Variants in RSU1 observed in about 807,000 individuals in gnomAD.
RSU1 encodes rsu-1.
Under a neutral mutation model 31.1 loss-of-function variants are expected in RSU1, and 26 were observed. The ratio of observed to expected loss-of-function variants is 0.84; its 90% CI spans 0.61 to 1.16. The LOEUF (loss-of-function observed/expected upper bound fraction) is 1.16. Among genes scored for constraint, RSU1 ranks in the 50% most tolerant of loss-of-function variants. The probability of loss-of-function intolerance (pLI) is 0.00; values close to 1 mark genes in which losing one functional copy is unlikely to be tolerated. For synonymous variants in RSU1, 164 were observed against 136.3 expected (o/e 1.20, Z -1.41); for missense variants, 320 against 339.1 (o/e 0.94, Z 0.44).
chr10:16,682,580 A>C (rs1835350346), intron 8 of RSU1, among the ~76,000 whole-genome samples: 2 of 150,368 alleles, frequency 1.3e-5, no homozygotes, highest in Admixed American at 6.6e-5. Context: ...ACATGCATGC[A>C]TGTTACCTAG....
chr10:16,808,199 C>T (rs1337126721), intron 2 of RSU1, among the ~76,000 whole-genome samples: 2 of 151,526 alleles, frequency 1.3e-5, no homozygotes, highest in South Asian at 4.2e-4. Context: ...GAACTCCAAC[C>T]GGGCGCAGTG....
intron 7 of RSU1, among the ~76,000 whole-genome samples, chr10:16,736,419 G>C (rs1392314717): frequency 6.6e-6 from 1 of 152,046 alleles, no homozygotes; most frequent in African/African-American, 2.4e-5. Context: ...AGTAATCCCA[G>C]AAGTCTTAAG....
At chr10:16,806,402 T>A (rs1838267592) in intron 2 of RSU1, among the ~76,000 whole-genome samples, 1 of 152,210 alleles carries the variant, frequency 6.6e-6, no homozygotes, top group Non-Finnish European at 1.5e-5. Context: ...TTCCGACGTC[T>A]GCAGGTGTGG....
chr10:16,799,000 A>C (rs879452019), intron 2 of RSU1, among the ~76,000 whole-genome samples: 1 of 152,212 alleles, frequency 6.6e-6, no homozygotes, highest in East Asian at 1.9e-4. Context: ...GGAATATTCC[A>C]GAGTATAAGC....
intron 2 of RSU1, among the ~76,000 whole-genome samples, chr10:16,792,750 G>C (rs1837952247): frequency 1.3e-5 from 2 of 152,216 alleles, no homozygotes; most frequent in Admixed American, 6.5e-5. Context: ...AGACCACAAA[G>C]AATTAACTGG....
chr10:16,591,865 G>A lies in RSU1; in HGVS notation c.*1529C>T, dbSNP rs1012735662. 1 of 152,104 alleles carries A rather than the reference G, an allele frequency of 6.6e-6. No homozygotes were observed. The highest frequency in any genetic ancestry group is 1.5e-5 in the Non-Finnish European group (1 of 68,028). 9.4% of individuals were successfully genotyped at this position (152,104 alleles called of 1,614,324 possible). A position where few individuals can be genotyped will look rare whatever the true frequency, so the allele number is the denominator to read the frequency against. On this transcript the variant is annotated 3_prime_UTR_variant, in exon 9 of 9. Transcript: ENST00000345264. Reference sequence around the variant, plus strand: ...AAAGTCAATTAAAAAAATTCAGGCAGAGGCATACATGGCACCTATAAAAAT... The same window carrying A: ...AAAGTCAATTAAAAAAATTCAGGCAAAGGCATACATGGCACCTATAAAAAT...
At chr10:16,718,110 A>G (rs898422318) in intron 7 of RSU1, among the ~76,000 whole-genome samples, 2 of 150,874 alleles carry the variant, frequency 1.3e-5, no homozygotes, top group Non-Finnish European at 3.0e-5. Flanking sequence ...AAAAAAAAAA[A>G]AAAGAAAGAA....
intron 7 of RSU1, among the ~76,000 whole-genome samples, chr10:16,703,273 C>G (rs1444559792): frequency 6.6e-6 from 1 of 152,188 alleles, no homozygotes; most frequent in Non-Finnish European, 1.5e-5. Flanking sequence ...AGTGCGAGAA[C>G]AGACTAATAC....
chr10:16,734,454 A>G (rs1390134618), intron 7 of RSU1, among the ~76,000 whole-genome samples: 1 of 152,218 alleles, frequency 6.6e-6, no homozygotes, highest in Non-Finnish European at 1.5e-5. Context: ...ACAATGATGA[A>G]TATTTGGGGC....
chr10:16,681,458 T>C (rs1052033733), intron 8 of RSU1, among the ~76,000 whole-genome samples: 1 of 152,186 alleles, frequency 6.6e-6, no homozygotes, highest in African/African-American at 2.4e-5. Flanking sequence ...GGATCCATTT[T>C]CCCGTAACAA....
At chr10:16,815,177 G>T (rs978108670) in intron 2 of RSU1, among the ~76,000 whole-genome samples, 8 of 152,238 alleles carry the variant, frequency 5.3e-5, no homozygotes, top group African/African-American at 1.7e-4. Flanking sequence ...AGAGGCATCT[G>T]CTCAGTTGCT....
chr10:16,640,918 G>A (rs1029523158), intron 8 of RSU1, among the ~76,000 whole-genome samples: 7 of 151,974 alleles, frequency 4.6e-5, no homozygotes, highest in African/African-American at 9.7e-5. Flanking sequence ...GCAATGCTGC[G>A]ACTGAAAGAA....
chr10:16,778,902 C>T (rs1837596189), intron 3 of RSU1, among the ~76,000 whole-genome samples: 1 of 152,170 alleles, frequency 6.6e-6, no homozygotes, highest in Admixed American at 6.5e-5. Context: ...CGTACTGCAT[C>T]ACAGGCAGGT....
At chr10:16,626,157 C>T (rs1834156109) in intron 8 of RSU1, among the ~76,000 whole-genome samples, 1 of 151,834 alleles carries the variant, frequency 6.6e-6, no homozygotes, top group Non-Finnish European at 1.5e-5. Flanking sequence ...GTGATCCTCC[C>T]ATCTCGCCTC....
intron 3 of RSU1, among the ~76,000 whole-genome samples, chr10:16,780,126 C>T (rs1205012001): frequency 6.6e-6 from 1 of 152,150 alleles, no homozygotes; most frequent in African/African-American, 2.4e-5. Flanking sequence ...ATTATAATGC[C>T]TGGAGGAAGA....
At chr10:16,697,968 G>T (rs1349084522) in intron 7 of RSU1, among the ~76,000 whole-genome samples, 1 of 146,550 alleles carries the variant, frequency 6.8e-6, no homozygotes, top group African/African-American at 2.5e-5. Context: ...GGTTCAGAGG[G>T]GTGATTGCAG....
chr10:16,683,826 C>T (rs1421270184), intron 8 of RSU1, among the ~76,000 whole-genome samples: 2 of 152,174 alleles, frequency 1.3e-5, no homozygotes, highest in African/African-American at 2.4e-5. Context: ...GGTCCAAAGG[C>T]GGTTCAACAA....
At chr10:16,599,381 C>T (rs1439448248) in intron 8 of RSU1, among the ~76,000 whole-genome samples, 1 of 152,196 alleles carries the variant, frequency 6.6e-6, no homozygotes, top group African/African-American at 2.4e-5. Context: ...CCACTGTCCC[C>T]TCCTAGACAG....
At position 16,593,075 on chromosome 10, in the gene RSU1, C is replaced by G. The variant is rs144121097; in HGVS notation, c.*319G>C. The G allele has an allele frequency of 4.3e-5, 9 of 211,320 alleles. No individual in the cohort carries two copies. The East Asian group carries it at 9.4e-4, about 22-fold the overall frequency. The allele number at this position is 211,320 out of a possible 1,614,324, so 13.1% of individuals were successfully genotyped here. A position where few individuals can be genotyped will look rare whatever the true frequency, so the allele number is the denominator to read the frequency against. ...AAATGGTTACATGATTTTAATTATT[C>G]TTTTGATAATAAGCAACCTTGTGAT... On this transcript the variant is annotated 3_prime_UTR_variant, in exon 9 of 9. Transcript: ENST00000345264.
Sources: gnomAD v4.1 joint callset for allele counts (sites outside exome capture counted in the v4.1 genomes callset) on GRCh38, gnomAD v4.1.1 for gene constraint, MANE v1.5 for transcripts, NCBI Gene and HGNC (gene_info 2026-07-23, HGNC 2026-07-21) for gene names.